GJE1: variants seen among roughly 807,000 people sequenced by gnomAD.
GJE1 encodes the protein gap junction epsilon-1 protein.
GJE1 carries 9 observed loss-of-function variants against 6.2 expected under a neutral mutation model. That is an observed-to-expected ratio of 1.45 (90% CI 0.87 to 2.52). The LOEUF is 2.52. Ranked by LOEUF, GJE1 falls within the 30% of genes most tolerant of loss-of-function variation. The pLI is 0.00. For synonymous variants in GJE1, 65 were observed against 30.1 expected (o/e 2.16, Z -3.80); for missense variants, 190 against 87.7 (o/e 2.17, Z -4.66).
At chr6:142,134,687 C>A in exon 3 of GJE1, 2 of 695,896 alleles carry the variant, frequency 2.9e-6, no homozygotes, top group Non-Finnish European at 5.2e-6. Context: ...AGTCTAGCGG[C>A]AATAGCATTC....
Position 142,133,116 on chromosome 6 carries a change from A to G in GJE1, c.-43A>G, listed in dbSNP as rs1255691593. ...CAGAAGCAAACTGGCAATGTGGGTC[A>G]AGAATTAACCAACAGGAATGCCAGG... On this transcript the variant is annotated 5_prime_UTR_variant, in exon 1 of 3. Transcript: ENST00000450456. 1.6e-5 allele frequency: 10 copies of G among 641,272 alleles called. No individual in the cohort carries two copies. The Admixed American group carries it at 2.4e-4, about 16-fold the overall frequency. The allele number at this position is 641,272 out of a possible 1,614,324, so 39.7% of individuals were successfully genotyped here.
upstream of GJE1, chr6:142,133,073 G>T (rs1483500129): frequency 3.4e-6 from 2 of 583,796 alleles, no homozygotes; most frequent in Middle Eastern, 2.6e-4. Flanking sequence ...CTGAGAGAAT[G>T]TAAGAGTTTG....
chr6:142,133,880 C>T, exon 2 of GJE1: 1 of 700,886 alleles, frequency 1.4e-6, no homozygotes, highest in Non-Finnish European at 2.6e-6. Context: ...TGGTCAATTC[C>T]ACACCCTTTT....
At chr6:142,133,067 G>A, upstream of GJE1, 2 of 570,010 alleles carry the variant, frequency 3.5e-6, no homozygotes, top group East Asian at 5.7e-5. Context: ...AGAGTCCTGA[G>A]AGAATGTAAG....
In GJE1 at chr6:142,134,525, T is replaced by C. The variant is rs1030240429; in HGVS notation, c.235-14T>C. 4.2e-5 allele frequency: 21 copies of C among 501,046 alleles called. No individual in the cohort carries two copies. Among genetic ancestry groups the C allele is most frequent in the East Asian group, 2.2e-4 (7 of 32,060 alleles). 31.0% of individuals were successfully genotyped at this position (501,046 alleles called of 1,614,324 possible). A position where few individuals can be genotyped will look rare whatever the true frequency, so the allele number is the denominator to read the frequency against. On this transcript the variant is annotated splice_polypyrimidine_tract_variant and intron_variant, in intron 2 of 2. Coordinates refer to ENST00000450456, the Ensembl canonical transcript of GJE1. ...ATTTACTAAGATATTTCTGACATAC[T>C]TTAGGTGTTCTAGGCATTACAACTA...
exon 2 of GJE1, chr6:142,133,940 T>C (rs972500901): frequency 1.4e-6 from 1 of 702,594 alleles, no homozygotes; most frequent in African/African-American, 1.7e-5. Context: ...CTTTGCAGTT[T>C]ATGGGAATGA....
Position 142,133,999 on chromosome 6 carries a change from CT to C in GJE1, c.190del (p.Cys64ValfsTer12), listed in dbSNP as rs1263628451. ...CAGACAAAAGAGAAGTAAACCTCTT[CT>C]GTTACAATCAGTTCAGGCCAATCAC... is the stretch of plus-strand genomic sequence containing the variant. On this transcript the variant is annotated frameshift_variant, in exon 2 of 3. Transcript: ENST00000450456. LOFTEE classifies it high-confidence loss of function. 2.8e-6 allele frequency: 2 copies of C among 702,358 alleles called. No individual in the cohort carries two copies. Among genetic ancestry groups the C allele is most frequent in the Non-Finnish European group, 5.2e-6 (2 of 384,550 alleles). The allele number at this position is 702,358 out of a possible 1,614,324, so 43.5% of individuals were successfully genotyped here. A position where few individuals can be genotyped will look rare whatever the true frequency, so the allele number is the denominator to read the frequency against.
chr6:142,134,035 A>G, exon 2 of GJE1: 1 of 681,642 alleles, frequency 1.5e-6, no homozygotes, highest in Non-Finnish European at 2.7e-6. Context: ...CTCCACAAGT[A>G]AGTTTTTCTG....
chr6:142,133,836 T>C lies in GJE1; in HGVS notation c.40-14T>C. The C allele has an allele frequency of 1.6e-6, 1 of 644,948 alleles. No homozygotes were observed. Among genetic ancestry groups the C allele is most frequent in the Non-Finnish European group, 2.9e-6 (1 of 348,712 alleles). 40.0% of individuals were successfully genotyped at this position (644,948 alleles called of 1,614,324 possible). A position where few individuals can be genotyped will look rare whatever the true frequency, so the allele number is the denominator to read the frequency against. On this transcript the variant is annotated splice_polypyrimidine_tract_variant and intron_variant, in intron 1 of 2. Transcript: ENST00000450456. ...TGTGTTTAAAAGATTTTTTTTCTCC[T>C]AAAACCATAACAGGTTAAACCTCCA...
intron 1 of GJE1, 30 bp downstream of exon 1, chr6:142,133,227 G>A (rs1213119949): frequency 1.6e-6 from 1 of 638,580 alleles, no homozygotes; most frequent in Non-Finnish European, 2.8e-6. Flanking sequence ...AAAATCAATT[G>A]TATGAGTCTT....
chr6:142,134,566 C>A, exon 3 of GJE1: 1 of 594,688 alleles, frequency 1.7e-6, no homozygotes, highest in Non-Finnish European at 3.0e-6. Flanking sequence ...TGTCCTGGTT[C>A]CTGGAGCTCT....
intron 1 of GJE1, 82 bp from the exon 2 acceptor site, chr6:142,133,768 A>T (rs908552173): frequency 8.9e-5 from 47 of 529,466 alleles, no homozygotes; most frequent in African/African-American, 8.3e-4. Context: ...TACATTTTTT[A>T]AATGTGATAT....
chr6:142,134,807 A>G (rs1778220055), exon 3 of GJE1: 1 of 678,750 alleles, frequency 1.5e-6, no homozygotes, highest in South Asian at 1.6e-5. Flanking sequence ...GAACACTTTG[A>G]AAAAACCATT....
At chr6:142,133,719 T>C in intron 1 of GJE1, 131 bp from the exon 2 acceptor site, 1 of 486,314 alleles carries the variant, frequency 2.1e-6, no homozygotes, top group Non-Finnish European at 3.6e-6. Flanking sequence ...GATTTGATGA[T>C]CTCTAAGGGT....
At chr6:142,133,756 C>G in intron 1 of GJE1, 94 bp from the exon 2 acceptor site, 2 of 525,050 alleles carry the variant, frequency 3.8e-6, no homozygotes, top group African/African-American at 1.9e-5. Flanking sequence ...CTTCTTGACT[C>G]TTACATTTTT....
chr6:142,133,919 G>A (rs377574229), exon 2 of GJE1: 28 of 702,082 alleles, frequency 4.0e-5, no homozygotes, highest in Middle Eastern at 2.3e-4. Context: ...ATTCTTCCTC[G>A]GGGTGCTAGG....
intron 1 of GJE1, 37 bp downstream of exon 1, chr6:142,133,234 T>A (rs956867579): frequency 7.9e-6 from 5 of 629,914 alleles, no homozygotes; most frequent in Non-Finnish European, 1.4e-5. Context: ...ATTGTATGAG[T>A]CTTTTCTGAG....
exon 3 of GJE1, chr6:142,135,063 T>C (rs1778227774): frequency 2.5e-6 from 1 of 407,404 alleles, no homozygotes; most frequent in Non-Finnish European, 4.3e-6. Context: ...TGCCTGGTTG[T>C]AAGGTAAGGA....
intron 2 of GJE1, 133 bp from the exon 3 acceptor site, chr6:142,134,406 T>C (rs1778207968): frequency 4.4e-6 from 2 of 452,398 alleles, no homozygotes; most frequent in Admixed American, 3.9e-5. Context: ...AAGACACATA[T>C]AAGATTTTTA....
Sources: gnomAD v4.1 joint callset for allele counts on GRCh38, gnomAD v4.1.1 for gene constraint, MANE v1.5 for transcripts, NCBI Gene and HGNC (gene_info 2026-07-23, HGNC 2026-07-21) for gene names.